TSSK6: variants seen among roughly 807,000 people sequenced by gnomAD.
TSSK6 encodes testis-specific serine/threonine-protein kinase 6.
A neutral mutation model predicts 8.5 loss-of-function variants in TSSK6; 9 were observed. The ratio of observed to expected loss-of-function variants is 1.06; its 90% CI spans 0.64 to 1.85. The LOEUF (loss-of-function observed/expected upper bound fraction) is 1.85. TSSK6 is among the 40% of genes most tolerant of loss of function. The pLI, the probability that TSSK6 is intolerant of heterozygous loss-of-function variation, is 0.00. For missense variants in TSSK6, 311 were observed against 391.5 expected (o/e 0.79, Z 1.73); for synonymous variants, 202 against 182.4 (o/e 1.11, Z -0.86).
At position 19,514,904 on chromosome 19, in the gene TSSK6, G is replaced by C; in HGVS notation, c.524C>G (p.Ala175Gly). The C allele has an allele frequency of 1.9e-6, 3 of 1,602,722 alleles. No homozygotes were observed. Among genetic ancestry groups the C allele is most frequent in the Non-Finnish European group, 2.5e-6 (3 of 1,177,656 alleles). Residue 175 changes from alanine (A) to glycine (G), a missense_variant, in exon 1 of 1, where the codon GCC (alanine) becomes GGC (glycine). Transcript: ENST00000585580. ...PDLSTTYCGS[A>G]AYASPEVLLG... ...GAGCACCTCGGGTGACGCGTAGGCG[G>C]CTGAGCCGCAGTAGGTGGTGCTCAG...
rs1449179071 is a variant in TSSK6 at position 19,514,494 on chromosome 19, A to C, written c.*112T>G. On this transcript the variant is annotated 3_prime_UTR_variant, in exon 1 of 1. Transcript: ENST00000585580. ...GAGGGAAGCGGAAGGGAAAAAGCGC[A>C]TGTGCAGCAGCACGCGGCAGCTTCG... is the stretch of plus-strand genomic sequence containing the variant. The C allele has an allele frequency of 9.6e-7, 1 of 1,041,760 alleles. No homozygotes were observed. The highest frequency in any genetic ancestry group is 1.6e-5 in the African/African-American group (1 of 61,326). 64.5% of individuals were successfully genotyped at this position (1,041,760 alleles called of 1,614,324 possible). A position where few individuals can be genotyped will look rare whatever the true frequency, so the allele number is the denominator to read the frequency against.
At position 19,515,399 on chromosome 19, in the gene TSSK6, A is replaced by T. The variant is rs1181276670; in HGVS notation, c.29T>A (p.Leu10His). Reference sequence around the variant, plus strand: ...AATTGTGCGGCCCAGCTTATAACCGAGTTCGCTCAGAAGTTTGTCTCCCGA... The same window carrying T: ...AATTGTGCGGCCCAGCTTATAACCGTGTTCGCTCAGAAGTTTGTCTCCCGA... MSGDKLLSE[L>H]GYKLGRTIGE... The change falls in exon 1 of 1, where the codon CTC becomes CAC. Residue 10 changes from leucine (L) to histidine (H), a missense_variant. By Grantham distance (99) the Leu-to-His change is moderately conservative. Transcript: ENST00000585580. The T allele has an allele frequency of 1.3e-6, 2 of 1,599,862 alleles. No individual in the cohort carries two copies. The highest frequency in any genetic ancestry group is 1.7e-5 in the Admixed American group (1 of 59,634).
chr19:19,515,062 G>A lies in TSSK6; in HGVS notation c.366C>T (p.Ala122=), dbSNP rs148965544. 1.9e-6 allele frequency: 3 copies of A among 1,608,940 alleles called. No individual in the cohort carries two copies. The highest frequency in any genetic ancestry group is 1.3e-5 in the African/African-American group (1 of 75,004). Residue 122 remains alanine, a synonymous_variant, in exon 1 of 1, where the codon GCC becomes GCT. Coordinates refer to ENST00000585580, the MANE Select transcript of TSSK6 (RefSeq NM_032037.4). The part of the protein sequence containing the change: ...ARDLFAQIAG[A]VRYLHDHHLV... The stretch of plus-strand genomic sequence containing the variant: ...GGTGATGATCGTGCAGGTAGCGCAC[G>A]GCGCCGGCGATCTGCGCAAAGAGGT...
At position 19,515,000 on chromosome 19, in the gene TSSK6, A is replaced by C. The variant is rs2061039233; in HGVS notation, c.428T>G (p.Leu143Arg). ...CTTGACGCGGCGCTCGTCCGGGCTC[A>C]GCAGCACGTTTTCGCACTTGAGGTC... is the stretch of plus-strand genomic sequence containing the variant. ...HRDLKCENVL[L>R]SPDERRVKLT... Residue 143 changes from leucine (L) to arginine (R), a missense_variant, in exon 1 of 1, where the codon CTG becomes CGG. Physicochemically the swap from Leu to Arg is moderately radical, Grantham distance 102 (BLOSUM62 -2). Coordinates refer to ENST00000585580, the MANE Select transcript of TSSK6 (RefSeq NM_032037.4). 6.2e-7 allele frequency: 1 copy of C among 1,610,854 alleles called. No individual in the cohort carries two copies. The highest frequency in any genetic ancestry group is 8.5e-7 in the Non-Finnish European group (1 of 1,178,662).
In TSSK6 at chr19:19,514,686, G is replaced by A. The variant is rs772130343; in HGVS notation, c.742C>T (p.Leu248=). 49 of 1,600,586 alleles carry A rather than the reference G, an allele frequency of 3.1e-5. 1 individual carries two copies. Among genetic ancestry groups the A allele is most frequent in the Non-Finnish European group, 4.2e-5 (49 of 1,179,374 alleles). The change falls in exon 1 of 1, where the codon CTG becomes TTG. Residue 248 remains leucine, a synonymous_variant. Coordinates refer to ENST00000585580, the MANE Select transcript of TSSK6 (RefSeq NM_032037.4). ...GGCCTGGCGGACGGGCTGAACTGCAGCAGCTCGGCGATCAGGGCCTTGCAG... is the reference window on the plus strand; with the variant it reads ...GGCCTGGCGGACGGGCTGAACTGCAACAGCTCGGCGATCAGGGCCTTGCAG... The part of the protein sequence containing the change: ...ERCKALIAEL[L]QFSPSARPSA...
At position 19,515,296 on chromosome 19, in the gene TSSK6, G is replaced by A. The variant is rs1239406132; in HGVS notation, c.132C>T (p.Asp44=). Reference sequence around the variant, plus strand: ...CGAAGTCCGGGGGCGCTCGCCGCCGGTCCACCACCTTGATGGCCACGGTAC... The same window carrying A: ...CGAAGTCCGGGGGCGCTCGCCGCCGATCCACCACCTTGATGGCCACGGTAC... ...YKGTVAIKVV[D]RRRAPPDFVN... is the part of the protein sequence containing the mutation. Residue 44 remains aspartate, a synonymous_variant, in exon 1 of 1, where the codon GAC becomes GAT. Transcript: ENST00000585580. The A allele has an allele frequency of 6.2e-7, 1 of 1,613,992 alleles. No homozygotes were observed. The highest frequency in any genetic ancestry group is 8.5e-7 in the Non-Finnish European group (1 of 1,180,024).
chr19:19,515,470 CGGG>C lies in TSSK6; in HGVS notation c.-46_-44del, dbSNP rs774076164. 1.3e-6 allele frequency: 2 copies of C among 1,542,122 alleles called. No homozygotes were observed. Among genetic ancestry groups the C allele is most frequent in the Admixed American group, 3.8e-5 (2 of 53,038 alleles). Reference sequence around the variant, plus strand: ...ACGGGGGGCAGGAGGCGGCTGCTGTCGGGGGGCGGCCGGACTCCAATCTCGGGT... The same window carrying C: ...ACGGGGGGCAGGAGGCGGCTGCTGTCGGGCGGCCGGACTCCAATCTCGGGT... On this transcript the variant is annotated 5_prime_UTR_variant, in exon 1 of 1. Coordinates refer to ENST00000585580, the MANE Select transcript of TSSK6 (RefSeq NM_032037.4).
rs944037241 is a variant in TSSK6 at position 19,515,525 on chromosome 19, C to G, written c.-98G>C. 6 of 1,096,760 alleles carry G rather than the reference C, an allele frequency of 5.5e-6. No homozygotes were observed. In the African/African-American group the frequency reaches 7.9e-5, roughly 14 times the overall value. The allele number at this position is 1,096,760 out of a possible 1,614,324, so 67.9% of individuals were successfully genotyped here. ...TAAGCCATGGCGCTTGGCACCTACA[C>G]CCCCGCACCCCCATGTGCCCACTGC... On this transcript the variant is annotated 5_prime_UTR_variant, in exon 1 of 1. Coordinates refer to ENST00000585580, the MANE Select transcript of TSSK6 (RefSeq NM_032037.4).
rs375584890 is a variant in TSSK6, at chr19:19,514,750, G to A, written c.678C>T (p.Arg226=). ...DIAGLPRRQK[R]GVLYPEGLEL... is the part of the protein sequence containing the mutation. ...CGAGGCCTTCGGGATAGAGCACGCC[G>A]CGTTTCTGGCGCCGGGGCAGGCCGG... is the stretch of plus-strand genomic sequence containing the variant. Residue 226 remains arginine (R), a synonymous_variant, in exon 1 of 1, where the codon CGC becomes CGT. Coordinates refer to ENST00000585580, the MANE Select transcript of TSSK6 (RefSeq NM_032037.4). 1 of 1,602,388 alleles carries A rather than the reference G, an allele frequency of 6.2e-7. No individual in the cohort carries two copies. The highest frequency in any genetic ancestry group is 8.5e-7 in the Non-Finnish European group (1 of 1,179,550).
chr19:19,514,558 C>G lies in TSSK6; in HGVS notation c.*48G>C, dbSNP rs773425820. On this transcript the variant is annotated 3_prime_UTR_variant, in exon 1 of 1. Coordinates refer to ENST00000585580, the MANE Select transcript of TSSK6 (RefSeq NM_032037.4). Reference sequence around the variant, plus strand: ...AGCGCGCCTCTTGCGCGTGCGCCGCCCTGGCCCAGTGCCCTTGGCTGCAGG... The same window carrying G: ...AGCGCGCCTCTTGCGCGTGCGCCGCGCTGGCCCAGTGCCCTTGGCTGCAGG... The G allele has an allele frequency of 4.1e-6, 6 of 1,466,814 alleles. No homozygotes were observed. The African/African-American group carries it at 8.5e-5, about 21-fold the overall frequency. 90.9% of individuals were successfully genotyped at this position (1,466,814 alleles called of 1,614,324 possible).
In TSSK6 at chr19:19,514,808, G is replaced by C. The variant is rs753423057; in HGVS notation, c.620C>G (p.Thr207Ser). 1 of 1,601,022 alleles carries C rather than the reference G, an allele frequency of 6.2e-7. No homozygotes were observed. Among genetic ancestry groups the C allele is most frequent in the Non-Finnish European group, 8.5e-7 (1 of 1,179,102 alleles). ...CGAGTCGTCGAAGGGCATGCACCCG[G>C]TGACCATGACGTAGAGCACGACGCC... is the stretch of plus-strand genomic sequence containing the variant. ...SMGVVLYVMV[T>S]GCMPFDDSDI... The change falls in exon 1 of 1, where the codon ACC becomes AGC. Residue 207 changes from threonine (T) to serine (S), a missense_variant. Transcript: ENST00000585580.
In TSSK6 at chr19:19,515,048, T is replaced by C; in HGVS notation, c.380A>G (p.His127Arg). Reference protein sequence around the residue: ...AQIAGAVRYLHDHHLVHRDLK... With the variant: ...AQIAGAVRYLRDHHLVHRDLK... ...GTCGCGGTGCACCAGGTGATGATCG[T>C]GCAGGTAGCGCACGGCGCCGGCGAT... Residue 127 changes from histidine (H) to arginine (R), a missense_variant, in exon 1 of 1, where the codon CAC becomes CGC. Transcript: ENST00000585580. The C allele has an allele frequency of 1.2e-6, 2 of 1,610,538 alleles. No homozygotes were observed. The highest frequency in any genetic ancestry group is 1.7e-6 in the Non-Finnish European group (2 of 1,178,660).
At position 19,514,595 on chromosome 19, in the gene TSSK6, C is replaced by T. The variant is rs1192555960; in HGVS notation, c.*11G>A. On this transcript the variant is annotated 3_prime_UTR_variant, in exon 1 of 1. Coordinates refer to ENST00000585580, the MANE Select transcript of TSSK6 (RefSeq NM_032037.4). ...CCCTTGGCTGCAGGAATGGCTGGAA[C>T]CACCCGGCTTCTAGCCGGAGTCCCC... The T allele has an allele frequency of 1.3e-6, 2 of 1,552,300 alleles. No individual in the cohort carries two copies. The highest frequency in any genetic ancestry group is 8.7e-7 in the Non-Finnish European group (1 of 1,154,870).
Position 19,515,487 on chromosome 19 carries a change from C to T in TSSK6, c.-60G>A. Reference sequence around the variant, plus strand: ...GCTGCTGTCGGGGGGCGGCCGGACTCCAATCTCGGGTCTAAGCCATGGCGC... The same window carrying T: ...GCTGCTGTCGGGGGGCGGCCGGACTTCAATCTCGGGTCTAAGCCATGGCGC... On this transcript the variant is annotated 5_prime_UTR_variant, in exon 1 of 1. Transcript: ENST00000585580. 6.7e-7 allele frequency: 1 copy of T among 1,493,184 alleles called. No individual in the cohort carries two copies. Among genetic ancestry groups the T allele is most frequent in the Non-Finnish European group, 9.1e-7 (1 of 1,096,666 alleles). The allele number at this position is 1,493,184 out of a possible 1,614,324, so 92.5% of individuals were successfully genotyped here.
Position 19,515,224 on chromosome 19 carries a change from T to C in TSSK6, c.204A>G (p.Arg68=), listed in dbSNP as rs1485200527. 3.7e-6 allele frequency: 6 copies of C among 1,611,994 alleles called. No individual in the cohort carries two copies. The highest frequency in any genetic ancestry group is 5.1e-6 in the Non-Finnish European group (6 of 1,179,960). The part of the protein sequence containing the change: ...PRELSILRGV[R]HPHIVHVFEF... ...CGAAGACGTGCACGATGTGCGGGTG[T>C]CGCACGCCCCGCAGGATGGACAGCT... The change falls in exon 1 of 1, where the codon CGA becomes CGG. Residue 68 remains arginine, a synonymous_variant. Coordinates refer to ENST00000585580, the MANE Select transcript of TSSK6 (RefSeq NM_032037.4).
At position 19,515,449 on chromosome 19, in the gene TSSK6, G is replaced by C. The variant is rs2061042468; in HGVS notation, c.-22C>G. 2.6e-6 allele frequency: 4 copies of C among 1,566,264 alleles called. No individual in the cohort carries two copies. In the Admixed American group the frequency reaches 5.4e-5, roughly 21 times the overall value. On this transcript the variant is annotated 5_prime_UTR_variant, in exon 1 of 1. Transcript: ENST00000585580. ...ACATGGTGGCGCCTAGGGCGCACGG[G>C]GGGCAGGAGGCGGCTGCTGTCGGGG...
Position 19,514,930 on chromosome 19 carries a change from G to C in TSSK6, c.498C>G (p.Asp166Glu). The C allele has an allele frequency of 6.2e-7, 1 of 1,603,464 alleles. No individual in the cohort carries two copies. The highest frequency in any genetic ancestry group is 8.5e-7 in the Non-Finnish European group (1 of 1,175,932). ...CTGAGCCGCAGTAGGTGGTGCTCAG[G>C]TCTGGGTAGCCATGGGCCTGGCGGC... ...GFGRQAHGYP[D>E]LSTTYCGSAA... The change falls in exon 1 of 1, where the codon GAC becomes GAG. Residue 166 changes from aspartate to glutamate, a missense_variant. Physicochemically the swap from Asp to Glu is conservative, Grantham distance 45 (BLOSUM62 2). Coordinates refer to ENST00000585580, the MANE Select transcript of TSSK6 (RefSeq NM_032037.4).
At position 19,514,770 on chromosome 19, in the gene TSSK6, G is replaced by T; in HGVS notation, c.658C>A (p.Leu220Met). Residue 220 changes from leucine (L) to methionine (M), a missense_variant, in exon 1 of 1, where the codon CTG (leucine) becomes ATG (methionine). By Grantham distance (15) the Leu-to-Met change is conservative (BLOSUM62 2). Coordinates refer to ENST00000585580, the MANE Select transcript of TSSK6 (RefSeq NM_032037.4). ...MPFDDSDIAG[L>M]PRRQKRGVLY... is the part of the protein sequence containing the mutation. The stretch of plus-strand genomic sequence containing the variant: ...ACGCCGCGTTTCTGGCGCCGGGGCA[G>T]GCCGGCGATGTCCGAGTCGTCGAAG... The T allele has an allele frequency of 6.2e-7, 1 of 1,602,276 alleles. No homozygotes were observed. Among genetic ancestry groups the T allele is most frequent in the Non-Finnish European group, 8.5e-7 (1 of 1,179,552 alleles).
In TSSK6 at chr19:19,514,582, GGAATGGCT is replaced by G; in HGVS notation, c.*16_*23del. 6.5e-7 allele frequency: 1 copy of G among 1,527,216 alleles called. No homozygotes were observed. The highest frequency in any genetic ancestry group is 1.4e-5 in the African/African-American group (1 of 72,844). The allele number at this position is 1,527,216 out of a possible 1,614,324, so 94.6% of individuals were successfully genotyped here. A position where few individuals can be genotyped will look rare whatever the true frequency, so the allele number is the denominator to read the frequency against. On this transcript the variant is annotated 3_prime_UTR_variant, in exon 1 of 1. Transcript: ENST00000585580. ...CCCTGGCCCAGTGCCCTTGGCTGCA[GGAATGGCT>G]GGAACCACCCGGCTTCTAGCCGGAG...
Sources: allele counts gnomAD v4.1 joint callset, GRCh38; gene constraint gnomAD v4.1.1; transcripts MANE v1.5; gene names NCBI Gene and HGNC (gene_info 2026-07-23, HGNC 2026-07-21).